Variants in MOB4 observed in about 807,000 individuals in gnomAD.
MOB4 encodes MOB-like protein phocein.
A neutral mutation model predicts 32.2 loss-of-function variants in MOB4; 4 were observed. That is an observed-to-expected ratio of 0.12 (90% CI 0.06 to 0.28). MOB4 has a LOEUF of 0.28. Ranked by LOEUF, MOB4 falls within the 10% of genes least tolerant of loss-of-function variation. The probability of loss-of-function intolerance (pLI) is 1.00; values close to 1 mark genes in which losing one functional copy is unlikely to be tolerated. For synonymous variants in MOB4, 88 were observed against 88.1 expected (o/e 1.00, Z 0.01); for missense variants, 158 against 271.2 (o/e 0.58, Z 2.93).
chr2:197,544,761 A>T (rs970550086), intron 5 of MOB4, among the ~76,000 whole-genome samples: 1 of 152,140 alleles, frequency 6.6e-6, no homozygotes, highest in Non-Finnish European at 1.5e-5. Flanking sequence ...TCAAAAAAAA[A>T]AAAAGGGTCA....
At chr2:197,538,382 AG>A (rs2086839572) in intron 3 of MOB4, among the ~76,000 whole-genome samples, 1 of 148,598 alleles carries the variant, frequency 6.7e-6, no homozygotes, top group Non-Finnish European at 1.5e-5. Flanking sequence ...TTAGTTGACC[AG>A]GAAGAGGTTT....
chr2:197,522,390 G>A (rs1018596172), intron 1 of MOB4, among the ~76,000 whole-genome samples: 15 of 143,364 alleles, frequency 1.0e-4, no homozygotes, highest in Admixed American at 3.6e-4. Context: ...GAGTGCAGTG[G>A]CGTGATCTTG....
intron 1 of MOB4, among the ~76,000 whole-genome samples, chr2:197,517,993 T>G (rs2086445243): frequency 6.6e-6 from 1 of 151,612 alleles, no homozygotes; most frequent in Non-Finnish European, 1.5e-5. Flanking sequence ...TACAAAAAAT[T>G]AGCTGGGCGT....
intron 3 of MOB4, among the ~76,000 whole-genome samples, chr2:197,539,114 C>G (rs1217098501): frequency 6.6e-6 from 1 of 151,682 alleles, no homozygotes; most frequent in Admixed American, 6.6e-5. Context: ...TTTTGGGAAC[C>G]AAAATGATTC....
Position 197,551,332 on chromosome 2 carries a change from T to A in MOB4, c.*686T>A, listed in dbSNP as rs544165738. 6.5e-6 allele frequency: 1 copy of A among 152,890 alleles called. No homozygotes were observed. The highest frequency in any genetic ancestry group is 6.5e-5 in the Admixed American group (1 of 15,288). 9.5% of individuals were successfully genotyped at this position (152,890 alleles called of 1,614,324 possible). A position where few individuals can be genotyped will look rare whatever the true frequency, so the allele number is the denominator to read the frequency against. ...TAAGGCACATAAATTATTTTCCCAC[T>A]GGAAACCTGCCCTGTCCACCCCTTC... On this transcript the variant is annotated 3_prime_UTR_variant, in exon 8 of 8. Transcript: ENST00000323303.
chr2:197,538,770 C>G (rs1371627339), intron 3 of MOB4, among the ~76,000 whole-genome samples: 1 of 152,142 alleles, frequency 6.6e-6, no homozygotes, highest in East Asian at 1.9e-4. Flanking sequence ...AAGAAACTTA[C>G]CACAACCAGT....
At chr2:197,534,034 A>C in intron 2 of MOB4, 3 of 451,294 alleles carry the variant, frequency 6.6e-6, no homozygotes, top group Non-Finnish European at 1.3e-5. Context: ...TCACCATATC[A>C]AGCTGAAAAT....
chr2:197,527,621 C>T (rs1014208541), intron 2 of MOB4, among the ~76,000 whole-genome samples: 8 of 152,076 alleles, frequency 5.3e-5, no homozygotes, highest in African/African-American at 1.4e-4. Context: ...AAATGAGATG[C>T]GTTTTATTTC....
intron 2 of MOB4, among the ~76,000 whole-genome samples, chr2:197,530,936 T>C (rs929138735): frequency 6.6e-6 from 1 of 152,136 alleles, no homozygotes; most frequent in African/African-American, 2.4e-5. Flanking sequence ...TGTATCTGGA[T>C]GTAGATTTCT....
intron 2 of MOB4, among the ~76,000 whole-genome samples, chr2:197,529,450 CA>C (rs1321938264): frequency 2.0e-5 from 3 of 151,952 alleles, no homozygotes; most frequent in Non-Finnish European, 2.9e-5. Context: ...CTCCTGGGTT[CA>C]ATCGATTCTC....
chr2:197,522,120 C>A (rs1299305453), intron 1 of MOB4, among the ~76,000 whole-genome samples: 2 of 152,174 alleles, frequency 1.3e-5, no homozygotes, highest in East Asian at 3.9e-4. Context: ...CCACATTCTT[C>A]TGCCGTGGTT....
At chr2:197,550,155 G>A in intron 6 of MOB4, 120 bp from the exon 7 acceptor site, 1 of 851,188 alleles carries the variant, frequency 1.2e-6, no homozygotes, top group Non-Finnish European at 1.7e-6. Context: ...GTGTGACCTT[G>A]GAGTAGTCGC....
At chr2:197,548,066 T>C (rs1437020990) in intron 5 of MOB4, among the ~76,000 whole-genome samples, 1 of 152,156 alleles carries the variant, frequency 6.6e-6, no homozygotes, top group Non-Finnish European at 1.5e-5. Flanking sequence ...ATTCTTCTTG[T>C]CTGTAATTGT....
intron 3 of MOB4, 126 bp from the exon 4 acceptor site, chr2:197,539,985 G>T: frequency 1.1e-6 from 1 of 942,204 alleles, no homozygotes; most frequent in South Asian, 2.4e-5. Context: ...GTCAGTTTAG[G>T]TGGTTTTGAG....
Position 197,521,223 on chromosome 2 carries a change from C to T in MOB4, c.61-2401C>T, listed in dbSNP as rs188933081. Reference sequence around the variant, plus strand: ...AAAAGAGAGAAATTTTAAAGTTGGGCGTCCGGGGGAGACATCACATGTCGG... The same window carrying T: ...AAAAGAGAGAAATTTTAAAGTTGGGTGTCCGGGGGAGACATCACATGTCGG... On this transcript the variant is annotated intron_variant, in intron 1 of 7. Transcript: ENST00000323303. Among the ~76,000 whole-genome samples the T allele has an allele frequency of 1.5e-3, 222 of 152,162 alleles. 1 individual carries two copies. The highest frequency in any genetic ancestry group is 4.9e-3 in the African/African-American group (202 of 41,504).
At chr2:197,535,751 T>C in intron 3 of MOB4, 121 bp downstream of exon 3, 3 of 1,142,750 alleles carry the variant, frequency 2.6e-6, no homozygotes, top group South Asian at 1.5e-5. Context: ...ATTTTAAAGC[T>C]TTGGCATTTT....
chr2:197,517,041 T>C (rs2086427501), intron 1 of MOB4, among the ~76,000 whole-genome samples: 1 of 152,164 alleles, frequency 6.6e-6, no homozygotes, highest in Non-Finnish European at 1.5e-5. Context: ...AAATGAAAAT[T>C]GAAACAAAAC....
chr2:197,524,781 T>G (rs1003374539), intron 2 of MOB4, among the ~76,000 whole-genome samples: 2 of 151,930 alleles, frequency 1.3e-5, no homozygotes, highest in Non-Finnish European at 2.9e-5. Flanking sequence ...ACCTGTCTTT[T>G]TTTTTTTTAG....
chr2:197,535,392 C>A (rs2086780718), intron 2 of MOB4, 138 bp from the exon 3 acceptor site: 1 of 639,910 alleles, frequency 1.6e-6, no homozygotes, highest in South Asian at 3.7e-5. Flanking sequence ...GATTATGATT[C>A]TATACTTGGT....
Sources: gnomAD v4.1 joint callset for allele counts (sites outside exome capture counted in the v4.1 genomes callset) on GRCh38, gnomAD v4.1.1 for gene constraint, MANE v1.5 for transcripts, NCBI Gene and HGNC (gene_info 2026-07-23, HGNC 2026-07-21) for gene names.